Variants in ENTPD5 observed in about 807,000 individuals in gnomAD.
The protein encoded by ENTPD5 is nucleoside diphosphate phosphatase ENTPD5.
In ENTPD5, 49 loss-of-function variants were observed where a neutral mutation model predicts 60.2. The ratio of observed to expected loss-of-function variants is 0.81; its 90% CI spans 0.65 to 1.03. ENTPD5 has a LOEUF of 1.03. ENTPD5 is among the 50% of genes least tolerant of loss of function. The pLI is 0.00. For missense variants in ENTPD5, 480 were observed against 507.6 expected, an observed-to-expected ratio of 0.95 and a Z score of 0.52; for synonymous variants, 187 against 185.4, an observed-to-expected ratio of 1.01 and a Z score of -0.07.
At position 73,999,496 on chromosome 14, in the gene ENTPD5, C is replaced by CAA. The variant is rs200756207; in HGVS notation, c.-70-11325_-70-11324insTT. On this transcript the variant is annotated intron_variant, in intron 3 of 15. Transcript: ENST00000334696. ...GAGTAAGACTCTGCCCCCCACCCCC[C>CAA]CAAAAAAAACAAAGGTAGGCCGGGC... Among the ~76,000 whole-genome samples, 41 of 147,114 alleles carry CAA rather than the reference C, an allele frequency of 2.8e-4. No homozygotes were observed. In the South Asian group the frequency reaches 7.7e-3, roughly 28 times the overall value.
chr14:74,007,634 AT>A (rs2058721076), intron 3 of ENTPD5: 2 of 151,934 alleles, frequency 1.3e-5, no homozygotes, highest in Admixed American at 1.3e-4. Context: ...TTTCAAGTCA[AT>A]AAAACTAATA....
chr14:73,967,111 T>G lies in ENTPD5; in HGVS notation c.1201-97A>C, dbSNP rs577770420. On this transcript the variant is annotated intron_variant, in intron 15 of 15. Coordinates refer to ENST00000334696, the MANE Select transcript of ENTPD5 (RefSeq NM_001249.5). ...AAAATATTGGCAAAGAATATCCACA[T>G]GGGCAAACCAAGGCAAAACGGACAG... 21 of 1,005,296 alleles carry G rather than the reference T, an allele frequency of 2.1e-5. No homozygotes were observed. In the Admixed American group the frequency reaches 3.0e-4, roughly 14 times the overall value. 62.3% of individuals were successfully genotyped at this position (1,005,296 alleles called of 1,614,324 possible).
rs2057332689 is a variant in ENTPD5 at position 73,973,925 on chromosome 14, C to A, written c.838G>T (p.Glu280Ter). ...SACLPRWLEA[E>*]WIFGGVKYQY... ...TATTTCACACCCCCAAAGATCCACTCTGCTTCCAACCATCTCGGTAAACAG... is the reference window on the plus strand; with the variant it reads ...TATTTCACACCCCCAAAGATCCACTATGCTTCCAACCATCTCGGTAAACAG... Residue 280 changes from glutamate to a stop codon, truncating the protein, a stop_gained, in exon 12 of 16, where the codon GAG (glutamate) becomes TAG (stop). Transcript: ENST00000334696. LOFTEE classifies it high-confidence loss of function. The A allele has an allele frequency of 6.2e-7, 1 of 1,614,076 alleles. No homozygotes were observed. Among genetic ancestry groups the A allele is most frequent in the Admixed American group, 1.7e-5 (1 of 59,992 alleles).
chr14:73,983,026 G>C lies in ENTPD5; in HGVS notation c.433C>G (p.Leu145Val). The change falls in exon 6 of 16, where the codon CTC (leucine) becomes GTC (valine). Residue 145 changes from leucine (L) to valine (V), a missense_variant. Coordinates refer to ENST00000334696, the MANE Select transcript of ENTPD5 (RefSeq NM_001249.5). ...LLPEHKAKAL[L>V]FEVKEIFRKS... ...GCAGTTTTAAAACTTACCTCAAAGA[G>C]CAGAGCCTTGGCTTTGTGTTCTGGC... is the stretch of plus-strand genomic sequence containing the variant. 6.2e-7 allele frequency: 1 copy of C among 1,613,842 alleles called. No individual in the cohort carries two copies. Among genetic ancestry groups the C allele is most frequent in the East Asian group, 2.2e-5 (1 of 44,870 alleles).
chr14:74,014,390 CA>C (rs142371267), intron 2 of ENTPD5, among the ~76,000 whole-genome samples: 12,920 of 149,430 alleles, frequency 0.086, 635 homozygotes, highest in South Asian at 0.24. Flanking sequence ...TCCCCCCCCC[CA>C]CAAAAAAAAG....
downstream of ENTPD5, chr14:73,961,162 ATGC>A (rs766411480): frequency 6.8e-6 from 11 of 1,612,438 alleles, no homozygotes; most frequent in Non-Finnish European, 8.5e-6. Flanking sequence ...CTTGTGGCTG[ATGC>A]TGCTCAGTGG....
chr14:73,972,807 G>C lies in ENTPD5; in HGVS notation c.1027+77C>G, dbSNP rs2057281554. 4 of 1,530,402 alleles carry C rather than the reference G, an allele frequency of 2.6e-6. No homozygotes were observed. In the South Asian group the frequency reaches 4.9e-5, roughly 19 times the overall value. The allele number at this position is 1,530,402 out of a possible 1,614,324, so 94.8% of individuals were successfully genotyped here. On this transcript the variant is annotated intron_variant, in intron 13 of 15. Transcript: ENST00000334696. ...TAATCACCCCGACAAAGCACCTCAA[G>C]TGCTCTTTCTCCTTGACCTTCCCCA...
At chr14:74,011,779 T>C (rs77320708) in intron 2 of ENTPD5, among the ~76,000 whole-genome samples, 13,944 of 152,054 alleles carry the variant, frequency 0.092, 802 homozygotes, top group South Asian at 0.26. Context: ...TGTTAAAATG[T>C]CAGCCATATG....
intron 3 of ENTPD5, among the ~76,000 whole-genome samples, chr14:74,000,748 AG>A (rs1170746800): frequency 1.3e-5 from 2 of 152,112 alleles, no homozygotes; most frequent in Non-Finnish European, 2.9e-5. Flanking sequence ...ACTGCACTCC[AG>A]CCTGGGCAAC....
At chr14:73,974,789 T>A in intron 11 of ENTPD5, 135 bp downstream of exon 11, 1 of 727,020 alleles carries the variant, frequency 1.4e-6, no homozygotes, top group South Asian at 1.8e-5. Context: ...CATTATTAGG[T>A]CCATTATACA....
chr14:74,014,939 G>A lies in ENTPD5; in HGVS notation c.-131+885C>T, dbSNP rs765646307. Reference sequence around the variant, plus strand: ...CTCTACTAAAATACAAAAATTAGCCGGGCATGGTGGCAGGCATCTGTAATC... The same window carrying A: ...CTCTACTAAAATACAAAAATTAGCCAGGCATGGTGGCAGGCATCTGTAATC... On this transcript the variant is annotated intron_variant, in intron 2 of 15. Coordinates refer to ENST00000334696, the MANE Select transcript of ENTPD5 (RefSeq NM_001249.5). Among the ~76,000 whole-genome samples, 117 of 152,100 alleles carry A rather than the reference G, an allele frequency of 7.7e-4. 1 individual carries two copies. The highest frequency in any genetic ancestry group is 3.4e-3 in the Middle Eastern group (1 of 292).
chr14:74,000,894 T>A (rs1427494115), intron 3 of ENTPD5, among the ~76,000 whole-genome samples: 1 of 152,098 alleles, frequency 6.6e-6, no homozygotes, highest in Non-Finnish European at 1.5e-5. Context: ...TAGAAAAAGA[T>A]GATAGGAAAA....
chr14:73,978,325 C>T (rs865822866), intron 6 of ENTPD5, among the ~76,000 whole-genome samples: 2 of 149,682 alleles, frequency 1.3e-5, no homozygotes, highest in South Asian at 2.1e-4. Context: ...CAGTGGCAGC[C>T]GGGCATGGTG....
chr14:73,986,477 C>T lies in ENTPD5; in HGVS notation c.297+337G>A, dbSNP rs1381595386. The T allele has an allele frequency of 1.4e-5, 3 of 214,168 alleles. No homozygotes were observed. The Admixed American group carries it at 1.6e-4, about 11-fold the overall frequency. 13.3% of individuals were successfully genotyped at this position (214,168 alleles called of 1,614,324 possible). ...CAACTGCCATGTTTATACATCATACCCTACAGAACTTCATGTTTATCTTCT... is the reference window on the plus strand; with the variant it reads ...CAACTGCCATGTTTATACATCATACTCTACAGAACTTCATGTTTATCTTCT... On this transcript the variant is annotated intron_variant, in intron 5 of 15. Transcript: ENST00000334696.
chr14:73,956,724 T>C (rs986392982), downstream of ENTPD5: 18 of 152,208 alleles, frequency 1.2e-4, no homozygotes, highest in Non-Finnish European at 2.1e-4. Context: ...TTTTGAGTTA[T>C]AGGAGTTCTT....
downstream of ENTPD5, chr14:73,957,925 C>T: frequency 2.0e-6 from 1 of 512,434 alleles, no homozygotes; most frequent in Non-Finnish European, 3.5e-6. Flanking sequence ...GTGCCTCTGA[C>T]AGAGTTCACT....
At chr14:74,000,770 C>G (rs1346060587) in intron 3 of ENTPD5, among the ~76,000 whole-genome samples, 1 of 151,598 alleles carries the variant, frequency 6.6e-6, no homozygotes. Context: ...AGAGCAAGAA[C>G]CTGTCTCAAA....
Position 73,987,819 on chromosome 14 carries a change from T to G in ENTPD5, c.217+67A>C. The stretch of plus-strand genomic sequence containing the variant: ...TTCACATAATAAACTCTCAGCATAT[T>G]TGTTTCTGGGAGGAGATGCTAAAGT... On this transcript the variant is annotated intron_variant, in intron 4 of 15. Transcript: ENST00000334696. 2.8e-6 allele frequency: 4 copies of G among 1,441,850 alleles called. No homozygotes were observed. In the South Asian group the frequency reaches 4.8e-5, roughly 17 times the overall value. The allele number at this position is 1,441,850 out of a possible 1,614,324, so 89.3% of individuals were successfully genotyped here.
At chr14:73,959,493 A>G (rs778368295), downstream of ENTPD5, 5 of 1,614,134 alleles carry the variant, frequency 3.1e-6, no homozygotes, top group Non-Finnish European at 4.2e-6. Flanking sequence ...GGATGAGGAA[A>G]AATTTGTGGA....
Sources: gnomAD v4.1 joint callset for allele counts (sites outside exome capture counted in the v4.1 genomes callset) on GRCh38, gnomAD v4.1.1 for gene constraint, MANE v1.5 for transcripts, NCBI Gene and HGNC (gene_info 2026-07-23, HGNC 2026-07-21) for gene names.